ZFPM1: variants seen among roughly 807,000 people sequenced by gnomAD.
ZFPM1 encodes zinc finger protein ZFPM1.
ZFPM1 carries 28 observed loss-of-function variants against 46.3 expected under a neutral mutation model. The observed-to-expected ratio is 0.60, with a 90% CI of 0.45 to 0.83. The LOEUF is 0.83. ZFPM1 is among the 40% of genes least tolerant of loss of function. ZFPM1 has a pLI of 0.00. For missense variants in ZFPM1, 1,878 were observed against 1,432.4 expected (o/e 1.31, Z -5.02); for synonymous variants, 957 against 675.9 (o/e 1.42, Z -6.45).
intron 3 of ZFPM1, among the ~76,000 whole-genome samples, chr16:88,503,519 C>A (rs1910492911): frequency 6.7e-6 from 1 of 150,096 alleles, no homozygotes; most frequent in South Asian, 2.1e-4. Flanking sequence ...TGTTCTGCCT[C>A]CAGGGCTCCT....
At position 88,533,455 on chromosome 16, in the gene ZFPM1, G is replaced by A. The variant is rs1223257335; in HGVS notation, c.1497G>A (p.Arg499=). ...TPSPRSPAPA[R]VKAELSSPTP... is the part of the protein sequence containing the mutation. ...CGCCGCGCAGCCCCGCCCCGGCCAG[G>A]GTCAAGGCCGAGCTGTCCAGCCCCA... The change falls in exon 10 of 10, where the codon AGG becomes AGA. Residue 499 remains arginine, a synonymous_variant. Coordinates refer to ENST00000319555, the MANE Select transcript of ZFPM1 (RefSeq NM_153813.3). 1 of 1,437,454 alleles carries A rather than the reference G, an allele frequency of 7.0e-7. No homozygotes were observed. Among genetic ancestry groups the A allele is most frequent in the South Asian group, 1.4e-5 (1 of 72,618 alleles). 89.0% of individuals were successfully genotyped at this position (1,437,454 alleles called of 1,614,324 possible). A position where few individuals can be genotyped will look rare whatever the true frequency, so the allele number is the denominator to read the frequency against.
At chr16:88,514,953 A>G (rs1312546046) in intron 4 of ZFPM1, among the ~76,000 whole-genome samples, 1 of 152,154 alleles carries the variant, frequency 6.6e-6, no homozygotes, top group Non-Finnish European at 1.5e-5. Context: ...CGTCAGGCCC[A>G]TGGTCTCCAT....
chr16:88,532,502 G>A, intron 7 of ZFPM1, 112 bp from the exon 8 acceptor site: 14 of 1,165,584 alleles, frequency 1.2e-5, no homozygotes, highest in Admixed American at 4.7e-5. Context: ...AGACCCTTCA[G>A]CACAGGGTCC....
chr16:88,536,315 G>A lies in ZFPM1; in HGVS notation c.*1336G>A, dbSNP rs994755239. ...GCCTCCCAAGTAGCTGGGACTACAG[G>A]CTTGACCCACCACACCTGGCTAACT... On this transcript the variant is annotated 3_prime_UTR_variant, in exon 10 of 10. Coordinates refer to ENST00000319555, the MANE Select transcript of ZFPM1 (RefSeq NM_153813.3). 4 of 152,130 alleles carry A rather than the reference G, an allele frequency of 2.6e-5. No individual in the cohort carries two copies. Among genetic ancestry groups the A allele is most frequent in the Non-Finnish European group, 5.9e-5 (4 of 68,020 alleles). The allele number at this position is 152,130 out of a possible 1,614,324, so 9.4% of individuals were successfully genotyped here. A position where few individuals can be genotyped will look rare whatever the true frequency, so the allele number is the denominator to read the frequency against.
intron 1 of ZFPM1, among the ~76,000 whole-genome samples, chr16:88,459,691 C>A (rs1204482869): frequency 2.6e-5 from 3 of 116,838 alleles, no homozygotes; most frequent in Non-Finnish European, 5.6e-5. Flanking sequence ...CCTCCTCCCC[C>A]TCCTCCCCTT....
intron 4 of ZFPM1, among the ~76,000 whole-genome samples, chr16:88,521,832 CCCTATGCTGTTCCCTCT>C (rs1911926727): frequency 6.7e-6 from 1 of 148,294 alleles, no homozygotes; most frequent in African/African-American, 2.5e-5. Flanking sequence ...CTGTTCCCTC[CCCTATGCTGTTCCCTCT>C]CCATGCTGTT....
intron 1 of ZFPM1, among the ~76,000 whole-genome samples, chr16:88,475,366 G>C (rs1030725065): frequency 2.0e-5 from 3 of 152,162 alleles, no homozygotes; most frequent in Non-Finnish European, 4.4e-5. Flanking sequence ...GACCGGGAAG[G>C]GCCTCGCTGA....
intron 4 of ZFPM1, among the ~76,000 whole-genome samples, chr16:88,524,929 C>A (rs1295941908): frequency 6.6e-6 from 1 of 152,134 alleles, no homozygotes; most frequent in Non-Finnish European, 1.5e-5. Flanking sequence ...GTTGCACCCA[C>A]CCCAGCCAGG....
At chr16:88,526,678 A>G (rs1447487969) in intron 4 of ZFPM1, 136 bp from the exon 5 acceptor site, 16 of 942,828 alleles carry the variant, frequency 1.7e-5, no homozygotes, top group African/African-American at 3.2e-5. Context: ...CTCTTGGGCC[A>G]ATGACTGTCC....
intron 6 of ZFPM1, among the ~76,000 whole-genome samples, chr16:88,529,585 G>A (rs963311611): frequency 1.3e-5 from 2 of 152,352 alleles, no homozygotes; most frequent in East Asian, 3.9e-4. Context: ...ATGGGGCTCA[G>A]AGAGCCCTGG....
intron 5 of ZFPM1, 92 bp from the exon 6 acceptor site, chr16:88,527,940 C>G (rs894153013): frequency 1.8e-5 from 23 of 1,308,048 alleles, no homozygotes; most frequent in Non-Finnish European, 2.0e-5. Flanking sequence ...CCCGGGTGGC[C>G]GCTCTCCTGA....
chr16:88,477,990 T>A (rs1000102640), intron 1 of ZFPM1, among the ~76,000 whole-genome samples: 2 of 118,552 alleles, frequency 1.7e-5, no homozygotes, highest in African/African-American at 6.4e-5. Flanking sequence ...AGAACAGACC[T>A]GGGGGTGGGT....
chr16:88,525,349 C>G (rs539013237), intron 4 of ZFPM1, among the ~76,000 whole-genome samples: 135 of 152,340 alleles, frequency 8.9e-4, no homozygotes, highest in African/African-American at 3.1e-3. Flanking sequence ...GTCACCAGCC[C>G]GACCCCTTGT....
At chr16:88,477,277 C>T (rs1018877914) in intron 1 of ZFPM1, among the ~76,000 whole-genome samples, 1 of 152,216 alleles carries the variant, frequency 6.6e-6, no homozygotes. Context: ...GAGAAGGGCA[C>T]GGGGAAGGTG....
intron 3 of ZFPM1, among the ~76,000 whole-genome samples, chr16:88,490,242 C>T (rs964449546): frequency 6.6e-6 from 1 of 152,090 alleles, no homozygotes; most frequent in East Asian, 1.9e-4. Flanking sequence ...TGAGGAGAGA[C>T]GGGGTTTCAC....
intron 2 of ZFPM1, among the ~76,000 whole-genome samples, chr16:88,486,526 C>T (rs1909233221): frequency 6.7e-6 from 1 of 148,980 alleles, no homozygotes; most frequent in South Asian, 2.1e-4. Flanking sequence ...GTGCTGGGTG[C>T]ACAGTGGGTG....
chr16:88,484,613 C>T (rs936402390), intron 1 of ZFPM1, among the ~76,000 whole-genome samples: 1 of 152,228 alleles, frequency 6.6e-6, no homozygotes, highest in Admixed American at 6.5e-5. Context: ...TCACACAGGA[C>T]AGTAGAAGGC....
At chr16:88,451,789 G>A (rs980971166), upstream of ZFPM1, among the ~76,000 whole-genome samples, 17 of 152,304 alleles carry the variant, frequency 1.1e-4, no homozygotes, top group South Asian at 1.5e-3. Context: ...AGGAAGGGCT[G>A]GAGGACCCGT....
chr16:88,529,125 G>C (rs1438700491), intron 6 of ZFPM1, among the ~76,000 whole-genome samples: 1 of 152,224 alleles, frequency 6.6e-6, no homozygotes, highest in Non-Finnish European at 1.5e-5. Context: ...CCAAAACTTT[G>C]AAAAATGAGC....
Sources: gnomAD v4.1 joint callset for allele counts (sites outside exome capture counted in the v4.1 genomes callset) on GRCh38, gnomAD v4.1.1 for gene constraint, MANE v1.5 for transcripts, NCBI Gene and HGNC (gene_info 2026-07-23, HGNC 2026-07-21) for gene names.